NME7: variants seen among roughly 807,000 people sequenced by gnomAD.
NME7 encodes nucleoside diphosphate kinase 7.
Under a neutral mutation model 49.1 loss-of-function variants are expected in NME7, and 41 were observed. The ratio of observed to expected loss-of-function variants is 0.83; its 90% CI spans 0.65 to 1.08. NME7 has a LOEUF of 1.08. NME7 is among the 50% of genes least tolerant of loss of function. The probability of loss-of-function intolerance (pLI) is 0.00; values close to 1 mark genes in which losing one functional copy is unlikely to be tolerated. For synonymous variants in NME7, 139 were observed against 150.6 expected, an observed-to-expected ratio of 0.92 and a Z score of 0.56; for missense variants, 423 against 463.4, an observed-to-expected ratio of 0.91 and a Z score of 0.80.
At chr1:169,223,096 T>C (rs1383659554) in intron 10 of NME7, among the ~76,000 whole-genome samples, 1 of 152,194 alleles carries the variant, frequency 6.6e-6, no homozygotes. Context: ...TCCTCAGTCT[T>C]TATTCAACTT....
chr1:169,193,929 CA>C (rs755680521), intron 10 of NME7, among the ~76,000 whole-genome samples: 6 of 148,594 alleles, frequency 4.0e-5, no homozygotes, highest in Admixed American at 2.0e-4. Context: ...TGAATGCAGC[CA>C]AAGAGCAGTT....
At chr1:169,270,395 A>G (rs979270924) in intron 7 of NME7, among the ~76,000 whole-genome samples, 1 of 133,686 alleles carries the variant, frequency 7.5e-6, no homozygotes, top group African/African-American at 2.5e-5. Context: ...AAAAATAGCT[A>G]CTGAATCAAC....
At chr1:169,155,995 T>C (rs1055328421) in intron 11 of NME7, among the ~76,000 whole-genome samples, 4 of 151,960 alleles carry the variant, frequency 2.6e-5, no homozygotes, top group Non-Finnish European at 5.9e-5. Context: ...AACTAGACAC[T>C]GGGGGGTACA....
chr1:169,160,986 T>A (rs188226139), intron 11 of NME7, among the ~76,000 whole-genome samples: 36 of 152,250 alleles, frequency 2.4e-4, no homozygotes, highest in African/African-American at 7.9e-4. Flanking sequence ...CTAGTCTCTG[T>A]CCCCCTAGAC....
intron 11 of NME7, among the ~76,000 whole-genome samples, chr1:169,145,678 C>CA (rs1658726718): frequency 6.6e-6 from 1 of 152,052 alleles, no homozygotes; most frequent in Admixed American, 6.6e-5. Context: ...TGTAAGATGA[C>CA]AAGGTCAGTA....
At chr1:169,136,153 C>T (rs1658422978) in intron 11 of NME7, among the ~76,000 whole-genome samples, 1 of 152,054 alleles carries the variant, frequency 6.6e-6, no homozygotes, top group Non-Finnish European at 1.5e-5. Context: ...CTTGGTCTGT[C>T]TTTTGGAGTG....
intron 10 of NME7, among the ~76,000 whole-genome samples, chr1:169,224,943 T>C (rs1647262078): frequency 6.6e-6 from 1 of 152,152 alleles, no homozygotes; most frequent in Non-Finnish European, 1.5e-5. Context: ...AGCCATTCTG[T>C]CTGAGGGTGG....
chr1:169,346,647 T>A (rs1557833461), intron 1 of NME7, among the ~76,000 whole-genome samples: 1 of 152,248 alleles, frequency 6.6e-6, no homozygotes, highest in South Asian at 2.1e-4. Flanking sequence ...ATACTATACT[T>A]CATATGTTTA....
At chr1:169,329,647 G>C (rs528490365) in intron 1 of NME7, among the ~76,000 whole-genome samples, 9 of 151,708 alleles carry the variant, frequency 5.9e-5, no homozygotes, top group Non-Finnish European at 1.3e-4. Context: ...ATACACAGAG[G>C]AGACAAAAAA....
intron 1 of NME7, among the ~76,000 whole-genome samples, chr1:169,329,926 A>C (rs1652193482): frequency 6.6e-6 from 1 of 152,188 alleles, no homozygotes; most frequent in Admixed American, 6.5e-5. Context: ...AGGATAAAGA[A>C]AGAATTCTAA....
chr1:169,192,959 C>G (rs993534322), intron 10 of NME7, among the ~76,000 whole-genome samples: 8 of 151,978 alleles, frequency 5.3e-5, no homozygotes, highest in Admixed American at 5.2e-4. Flanking sequence ...TAGTCAATTC[C>G]TGAAATATAT....
intron 11 of NME7, among the ~76,000 whole-genome samples, chr1:169,137,833 T>C (rs983803051): frequency 6.6e-6 from 1 of 152,146 alleles, no homozygotes; most frequent in African/African-American, 2.4e-5. Flanking sequence ...AGAAAGGAGA[T>C]GAAAAATCCA....
At chr1:169,205,729 T>C (rs10458394) in intron 10 of NME7, among the ~76,000 whole-genome samples, 12,610 of 152,226 alleles carry the variant, frequency 0.083, 716 homozygotes, top group Admixed American at 0.19. Flanking sequence ...GCCAGCATTA[T>C]TGTGTTAAAA....
intron 7 of NME7, chr1:169,284,505 T>G (rs1031872121): frequency 6.6e-6 from 1 of 152,150 alleles, no homozygotes; most frequent in Non-Finnish European, 1.5e-5. Flanking sequence ...ATGGATAGAT[T>G]GCAAAAATTT....
At chr1:169,136,120 G>C (rs542108681) in intron 11 of NME7, among the ~76,000 whole-genome samples, 3 of 48,068 alleles carry the variant, frequency 6.2e-5, no homozygotes, top group Non-Finnish European at 1.5e-4. Flanking sequence ...ATCGGGCACA[G>C]CCAGTGCCCG....
intron 7 of NME7, among the ~76,000 whole-genome samples, chr1:169,256,842 T>C (rs1431141388): frequency 1.5e-5 from 2 of 131,698 alleles, no homozygotes; most frequent in Non-Finnish European, 3.6e-5. Context: ...GTCAGTGTGC[T>C]CTTGCTGGGG....
intron 7 of NME7, among the ~76,000 whole-genome samples, chr1:169,252,393 C>G (rs1054825631): frequency 7.2e-5 from 11 of 152,186 alleles, no homozygotes; most frequent in African/African-American, 2.7e-4. Context: ...CCTTCACCCA[C>G]TTTTTGATGG....
chr1:169,284,318 T>C (rs1650172483), intron 7 of NME7: 1 of 152,176 alleles, frequency 6.6e-6, no homozygotes, highest in Admixed American at 6.5e-5. Flanking sequence ...TGTTCTTCTC[T>C]GCATTGGTTA....
rs34676722 is a variant in NME7, at chr1:169,329,396, GAAAAAA to G, written c.4-4902_4-4897del. On this transcript the variant is annotated intron_variant, in intron 1 of 11. Transcript: ENST00000367811. ...AATTTCATGAAAATTTGTGTTTCCT[GAAAAAA>G]AAAAAAAAAAAAACCTCTGCTAAGG... is the stretch of plus-strand genomic sequence containing the variant. Among the ~76,000 whole-genome samples the G allele has an allele frequency of 9.2e-5, 9 of 98,240 alleles. No homozygotes were observed. The South Asian group carries it at 1.1e-3, about 12-fold the overall frequency. 64.4% of individuals were successfully genotyped at this position (98,240 alleles called of 152,430 possible).
Sources: gnomAD v4.1 joint callset for allele counts (sites outside exome capture counted in the v4.1 genomes callset) on GRCh38, gnomAD v4.1.1 for gene constraint, MANE v1.5 for transcripts, NCBI Gene and HGNC (gene_info 2026-07-23, HGNC 2026-07-21) for gene names.